UBE4B: variants seen among roughly 807,000 people sequenced by gnomAD.
UBE4B encodes the protein ubiquitin conjugation factor E4 B.
In UBE4B, 27 loss-of-function variants were observed where a neutral mutation model predicts 148.1. The ratio of observed to expected loss-of-function variants is 0.18; its 90% confidence interval spans 0.13 to 0.25. The LOEUF (loss-of-function observed/expected upper bound fraction) is 0.25. Among genes scored for constraint, UBE4B ranks in the 10% least tolerant of loss-of-function variants. The probability of loss-of-function intolerance (pLI) is 1.00; values close to 1 mark genes in which losing one functional copy is unlikely to be tolerated. For synonymous variants in UBE4B, 596 were observed against 619.3 expected (o/e 0.96, Z 0.56); for missense variants, 1,170 against 1,662.4 (o/e 0.70, Z 5.15).
chr1:10,147,437 G>A (rs991479792), intron 19 of UBE4B, among the ~76,000 whole-genome samples: 4 of 152,130 alleles, frequency 2.6e-5, no homozygotes, highest in Non-Finnish European at 4.4e-5. Flanking sequence ...AGGTTGCATT[G>A]AGCCGAGATC....
At chr1:10,050,222 C>A (rs550223370) in intron 1 of UBE4B, among the ~76,000 whole-genome samples, 5 of 152,294 alleles carry the variant, frequency 3.3e-5, no homozygotes, top group Admixed American at 2.6e-4. Context: ...CAGGCATGCA[C>A]CACCACACTT....
chr1:10,151,168 A>AC (rs993683704), intron 20 of UBE4B, among the ~76,000 whole-genome samples, 158 bp from the exon 21 acceptor site: 14 of 151,928 alleles, frequency 9.2e-5, no homozygotes, highest in African/African-American at 3.4e-4. Flanking sequence ...GTCTCAAAAA[A>AC]AAAAAAAAGT....
intron 2 of UBE4B, among the ~76,000 whole-genome samples, chr1:10,089,409 A>G (rs2101863256): frequency 6.6e-6 from 1 of 152,280 alleles, no homozygotes; most frequent in Non-Finnish European, 1.5e-5. Flanking sequence ...AGAAGTCTGA[A>G]GCAGGAGGAT....
chr1:10,081,724 G>C (rs1001187557), intron 2 of UBE4B, among the ~76,000 whole-genome samples: 1 of 152,182 alleles, frequency 6.6e-6, no homozygotes, highest in Non-Finnish European at 1.5e-5. Context: ...AAGTAGCTGG[G>C]ATTACAGGCA....
intron 2 of UBE4B, among the ~76,000 whole-genome samples, chr1:10,090,791 ATTTGTGTGTGTG>A (rs1318565929): frequency 2.8e-5 from 3 of 108,228 alleles, no homozygotes; most frequent in Non-Finnish European, 5.5e-5. Flanking sequence ...AAGCCTATGC[ATTTGTGTGTGTG>A]TGTGTGTGTG....
chr1:10,059,236 C>A (rs1357230959), intron 1 of UBE4B: 1 of 152,312 alleles, frequency 6.6e-6, no homozygotes, highest in African/African-American at 2.4e-5. Flanking sequence ...GTCTTAAAAA[C>A]AACAGCAACA....
At chr1:10,035,058 G>A (rs1030721210) in intron 1 of UBE4B, among the ~76,000 whole-genome samples, 6 of 152,058 alleles carry the variant, frequency 3.9e-5, no homozygotes, top group African/African-American at 1.4e-4. Context: ...CAGTGCAGTG[G>A]CGCGATCTCG....
chr1:10,100,425 A>C (rs1644991262), intron 3 of UBE4B, among the ~76,000 whole-genome samples: 1 of 152,178 alleles, frequency 6.6e-6, no homozygotes, highest in Non-Finnish European at 1.5e-5. Flanking sequence ...CTTCTGGGCT[A>C]AAGTGATCCT....
chr1:10,166,116 T>C (rs1411285601), intron 23 of UBE4B: 2 of 152,240 alleles, frequency 1.3e-5, no homozygotes, highest in African/African-American at 4.8e-5. Context: ...CTGGAGCACT[T>C]TCCCAGAGGG....
At chr1:10,172,593 C>T (rs1646354568) in intron 25 of UBE4B, among the ~76,000 whole-genome samples, 1 of 152,120 alleles carries the variant, frequency 6.6e-6, no homozygotes, top group South Asian at 2.1e-4. Context: ...ACTACTTATC[C>T]AAATACTATT....
chr1:10,150,847 G>A (rs1484328355), intron 20 of UBE4B, among the ~76,000 whole-genome samples: 9 of 139,992 alleles, frequency 6.4e-5, no homozygotes, highest in East Asian at 2.2e-4. Context: ...GCAACACAGC[G>A]AGGCTCCATC....
At chr1:10,034,992 T>G (rs898003257) in intron 1 of UBE4B, among the ~76,000 whole-genome samples, 4 of 112,922 alleles carry the variant, frequency 3.5e-5, no homozygotes, top group African/African-American at 7.9e-5. Flanking sequence ...TTTATGTGGG[T>G]TTTTTTTTGT....
In UBE4B at chr1:10,168,185, C is replaced by G. The variant is rs753434706; in HGVS notation, c.3248C>G (p.Ser1083Cys). ...QSQLAQDERV[S>C]RSYLALATET... Reference sequence around the variant, plus strand: ...CAGCTTGCTCAGGATGAGCGTGTGTCCCGCTCTTACCTCGCCCTGGCCACC... The same window carrying G: ...CAGCTTGCTCAGGATGAGCGTGTGTGCCGCTCTTACCTCGCCCTGGCCACC... Residue 1083 changes from serine (S) to cysteine (C), a missense_variant, in exon 24 of 28, where the codon TCC becomes TGC. Around this residue, in one of 6 missense-constraint regions of UBE4B, gnomAD observed 348 missense variants for 627.2 expected, o/e 0.55. Coordinates refer to ENST00000343090, the MANE Select transcript of UBE4B (RefSeq NM_001105562.3). This position sits in a 1 kb window ranked among gnomAD's most constrained non-coding sequence, Gnocchi z 4.9. 3 of 1,614,146 alleles carry G rather than the reference C, an allele frequency of 1.9e-6. No individual in the cohort carries two copies. The South Asian group carries it at 3.3e-5, about 18-fold the overall frequency.
At chr1:10,047,036 C>T (rs1161524839) in intron 1 of UBE4B, among the ~76,000 whole-genome samples, 1 of 152,130 alleles carries the variant, frequency 6.6e-6, no homozygotes, top group African/African-American at 2.4e-5. Flanking sequence ...TAAGATATCA[C>T]GGGTTTTGCC....
intron 3 of UBE4B, among the ~76,000 whole-genome samples, chr1:10,099,392 C>T (rs1387633856): frequency 1.3e-5 from 2 of 152,100 alleles, no homozygotes; most frequent in Admixed American, 1.3e-4. Context: ...TTCACAATTT[C>T]ATTAAAAAGT....
rs566216465 is a variant in UBE4B, at chr1:10,139,810, C to T, written c.2363+2605C>T. Among the ~76,000 whole-genome samples the T allele has an allele frequency of 5.9e-5, 9 of 152,294 alleles. No individual in the cohort carries two copies. In the East Asian group the frequency reaches 1.5e-3, roughly 26 times the overall value. On this transcript the variant is annotated intron_variant, in intron 17 of 27. Coordinates refer to ENST00000343090, the MANE Select transcript of UBE4B (RefSeq NM_001105562.3). ...ATGGTGCAATCTTGGCTCACCTCAA[C>T]CTCTGCCTCCCAGGTTCAAGTGATT...
At chr1:10,117,861 A>G (rs1294645535) in intron 8 of UBE4B, among the ~76,000 whole-genome samples, 1 of 152,074 alleles carries the variant, frequency 6.6e-6, no homozygotes, top group Non-Finnish European at 1.5e-5. Context: ...TCTTGACCAC[A>G]CTGTAGCTCG....
chr1:10,039,503 C>T (rs1457704364), intron 1 of UBE4B, among the ~76,000 whole-genome samples: 1 of 152,014 alleles, frequency 6.6e-6, no homozygotes, highest in African/African-American at 2.4e-5. Context: ...GATCTCGGCT[C>T]ACTGCAGCCT....
intron 4 of UBE4B, 49 bp from the exon 5 acceptor site, chr1:10,102,899 A>G (rs1645038841): frequency 6.4e-7 from 1 of 1,563,332 alleles, no homozygotes; most frequent in African/African-American, 1.4e-5. Context: ...GAAACACCTA[A>G]CTCATACCTC....
Sources: gnomAD v4.1 joint callset for allele counts (sites outside exome capture counted in the v4.1 genomes callset) on GRCh38, gnomAD v4.1.1 for gene constraint, gnomAD v4.1.1 regional missense constraint, Gnocchi (gnomAD v3.1) non-coding constraint, MANE v1.5 for transcripts, NCBI Gene and HGNC (gene_info 2026-07-23, HGNC 2026-07-21) for gene names.